The following PPFIA2 variants were observed in gnomAD, a reference collection of about 807,000 sequenced individuals.
PPFIA2 encodes the protein liprin-alpha-2.
PPFIA2 carries 46 observed loss-of-function variants against 175.5 expected under a neutral mutation model. The ratio of observed to expected loss-of-function variants is 0.26; its 90% CI spans 0.21 to 0.34. The LOEUF is 0.34. Among genes scored for constraint, PPFIA2 ranks in the 10% least tolerant of loss-of-function variants. PPFIA2 has a pLI of 1.00. For missense variants in PPFIA2, 1,179 were observed against 1,506.1 expected (o/e 0.78, Z 3.60); for synonymous variants, 568 against 511.4 (o/e 1.11, Z -1.49).
chr12:81,293,215 T>C (rs1406217991), intron 24 of PPFIA2, among the ~76,000 whole-genome samples: 2 of 152,034 alleles, frequency 1.3e-5, no homozygotes, highest in African/African-American at 4.8e-5. Flanking sequence ...TCAGAAATAA[T>C]ATACTTTATA....
intron 8 of PPFIA2, among the ~76,000 whole-genome samples, chr12:81,385,157 A>C (rs997745778): frequency 2.0e-5 from 3 of 152,174 alleles, no homozygotes; most frequent in African/African-American, 7.2e-5. Flanking sequence ...CCACGATGAG[A>C]TATCACTTCA....
intron 4 of PPFIA2, among the ~76,000 whole-genome samples, chr12:81,619,933 G>T (rs12227717): frequency 0.064 from 9,690 of 152,152 alleles, 427 homozygotes; most frequent in East Asian, 0.25. Flanking sequence ...GCCGAGGCGG[G>T]CGGATCACGA....
intron 4 of PPFIA2, among the ~76,000 whole-genome samples, chr12:81,578,662 T>A (rs979147103): frequency 2.0e-5 from 3 of 151,896 alleles, no homozygotes; most frequent in Non-Finnish European, 4.4e-5. Context: ...CCAATCTTTA[T>A]AACAATTCTG....
At chr12:81,665,206 A>G (rs184296725) in intron 4 of PPFIA2, among the ~76,000 whole-genome samples, 3 of 152,042 alleles carry the variant, frequency 2.0e-5, no homozygotes, top group Admixed American at 6.6e-5. Context: ...CGTGAAAAAA[A>G]TTTACGGTAC....
intron 17 of PPFIA2, among the ~76,000 whole-genome samples, chr12:81,349,220 A>G (rs1332224137): frequency 1.3e-5 from 2 of 152,184 alleles, no homozygotes; most frequent in African/African-American, 4.8e-5. Flanking sequence ...CTGGCCAGGC[A>G]GAAAGTACTT....
At chr12:81,397,079 C>T (rs949976955) in intron 8 of PPFIA2, among the ~76,000 whole-genome samples, 11 of 151,976 alleles carry the variant, frequency 7.2e-5, no homozygotes, top group Non-Finnish European at 1.5e-4. Context: ...TTTAAATGTG[C>T]AAAGTCTTTT....
chr12:81,320,628 G>A (rs1177513351), intron 22 of PPFIA2, among the ~76,000 whole-genome samples: 1 of 151,752 alleles, frequency 6.6e-6, no homozygotes, highest in East Asian at 1.9e-4. Context: ...ATTTCAGCAT[G>A]GATATATGCT....
In PPFIA2 at chr12:81,362,745, G is replaced by A. The variant is rs1409472824; in HGVS notation, c.1585C>T (p.Leu529Phe). ...AEEIEKLRSE[L>F]DQLKMRTGSL... ...CCAGTTCTCATTTTCAATTGGTCAAGTTCAGATCTCAGCTTTTCAATTTCT... is the reference window on the plus strand; with the variant it reads ...CCAGTTCTCATTTTCAATTGGTCAAATTCAGATCTCAGCTTTTCAATTTCT... Residue 529 changes from leucine to phenylalanine, a missense_variant, in exon 15 of 33, where the codon CTT becomes TTT. Around this residue, in one of 10 missense-constraint regions of PPFIA2, gnomAD observed 186 missense variants for 163.6 expected, o/e 1.14. Transcript: ENST00000549396. 3.2e-6 allele frequency: 5 copies of A among 1,546,756 alleles called. No homozygotes were observed. Among genetic ancestry groups the A allele is most frequent in the East Asian group, 2.4e-5 (1 of 40,934 alleles).
At chr12:81,671,799 A>AAT (rs1462415678) in intron 4 of PPFIA2, among the ~76,000 whole-genome samples, 1 of 151,962 alleles carries the variant, frequency 6.6e-6, no homozygotes, top group African/African-American at 2.4e-5. Flanking sequence ...TCCTCTGCTG[A>AAT]ATATACCATG....
chr12:81,473,106 G>T (rs1202893107), intron 4 of PPFIA2, among the ~76,000 whole-genome samples: 1 of 152,006 alleles, frequency 6.6e-6, no homozygotes, highest in Non-Finnish European at 1.5e-5. Flanking sequence ...AAACATATAT[G>T]TACATAAAAC....
At chr12:81,389,852 G>A (rs929625379) in intron 8 of PPFIA2, among the ~76,000 whole-genome samples, 1 of 152,022 alleles carries the variant, frequency 6.6e-6, no homozygotes, top group Non-Finnish European at 1.5e-5. Flanking sequence ...GTTCAGTGGA[G>A]TTTAGTATAC....
chr12:81,439,187 A>C (rs138397486), intron 7 of PPFIA2, among the ~76,000 whole-genome samples: 15,102 of 147,362 alleles, frequency 0.1, 806 homozygotes, highest in Middle Eastern at 0.14. Context: ...CTCTCTCTCT[A>C]TATATATATA....
chr12:81,750,061 A>G (rs2083549183), intron 3 of PPFIA2, among the ~76,000 whole-genome samples: 2 of 144,026 alleles, frequency 1.4e-5, no homozygotes, highest in African/African-American at 4.9e-5. Context: ...ACAATATGAT[A>G]AATGATAAGA....
chr12:81,705,414 C>T (rs1371857209), intron 3 of PPFIA2, among the ~76,000 whole-genome samples: 1 of 147,636 alleles, frequency 6.8e-6, no homozygotes, highest in African/African-American at 2.5e-5. Flanking sequence ...TGAGATTGCA[C>T]CACTGCACTC....
At chr12:81,491,597 T>C (rs1346269129) in intron 4 of PPFIA2, among the ~76,000 whole-genome samples, 1 of 151,834 alleles carries the variant, frequency 6.6e-6, no homozygotes, top group Non-Finnish European at 1.5e-5. Flanking sequence ...AGACATGAGA[T>C]ATTGCGCTCT....
intron 4 of PPFIA2, among the ~76,000 whole-genome samples, chr12:81,560,359 A>G (rs1186140457): frequency 6.6e-6 from 1 of 152,044 alleles, no homozygotes; most frequent in Admixed American, 6.6e-5. Context: ...TAGATGTAGA[A>G]CTATATGTGA....
At chr12:81,572,294 C>T (rs910642821) in intron 4 of PPFIA2, among the ~76,000 whole-genome samples, 4 of 152,092 alleles carry the variant, frequency 2.6e-5, no homozygotes, top group African/African-American at 9.6e-5. Context: ...AGTAAGCCTT[C>T]CTTGGACCAC....
Position 81,467,895 on chromosome 12 carries a change from T to C in PPFIA2, c.304-10029A>G, listed in dbSNP as rs115990107. On this transcript the variant is annotated intron_variant, in intron 4 of 32. Coordinates refer to ENST00000549396, the MANE Select transcript of PPFIA2 (RefSeq NM_003625.5). ...ACCCAGGTGGGAAGGATGCTCCCTA[T>C]TGAATGAAGCTCCCACCTCACCCTT... Among the ~76,000 whole-genome samples the C allele has an allele frequency of 7.8e-3, 1,193 of 152,266 alleles. 15 individuals carry two copies. The highest frequency in any genetic ancestry group is 0.027 in the African/African-American group (1,129 of 41,538).
intron 1 of PPFIA2, 163 bp downstream of exon 1, chr12:81,759,117 G>A (rs1427467529): frequency 6.6e-6 from 1 of 151,716 alleles, no homozygotes; most frequent in Non-Finnish European, 1.5e-5. Flanking sequence ...ACTTAAAGGA[G>A]GCGCTTTTTC....
Sources: allele counts gnomAD v4.1 joint callset (sites outside exome capture counted in the v4.1 genomes callset), GRCh38; gene constraint gnomAD v4.1.1; regional missense constraint gnomAD v4.1.1; transcripts MANE v1.5; gene names NCBI Gene and HGNC (gene_info 2026-07-23, HGNC 2026-07-21).